Variants in NCALD observed in about 807,000 individuals in gnomAD.
NCALD encodes the protein neurocalcin delta.
A neutral mutation model predicts 18.6 loss-of-function variants in NCALD; 10 were observed. That is an observed-to-expected ratio of 0.54 (90% CI 0.33 to 0.91). NCALD has a LOEUF of 0.91. Ranked by LOEUF, NCALD falls within the 40% of genes least tolerant of loss-of-function variation. The pLI is 0.03. For synonymous variants in NCALD, 88 were observed against 87.4 expected (o/e 1.01, Z -0.04); for missense variants, 184 against 247.6 (o/e 0.74, Z 1.72).
intron 4 of NCALD, among the ~76,000 whole-genome samples, chr8:101,877,785 T>C (rs1816290086): frequency 6.6e-6 from 1 of 152,130 alleles, no homozygotes; most frequent in Admixed American, 6.5e-5. Flanking sequence ...TTGATATATA[T>C]AAAGTACTTA....
chr8:101,741,959 GA>G (rs3028654), intron 1 of NCALD, among the ~76,000 whole-genome samples: 4,446 of 121,706 alleles, frequency 0.037, 174 homozygotes, highest in African/African-American at 0.099. Context: ...AAAAAGAAAA[GA>G]AAAAAAAAAA....
chr8:102,012,956 C>T (rs910254452), intron 2 of NCALD, among the ~76,000 whole-genome samples: 6 of 152,086 alleles, frequency 3.9e-5, no homozygotes, highest in Non-Finnish European at 8.8e-5. Context: ...TAATATATAA[C>T]AATCAGATAT....
intron 4 of NCALD, among the ~76,000 whole-genome samples, chr8:101,872,859 C>A (rs1816077794): frequency 6.6e-6 from 1 of 152,176 alleles, no homozygotes; most frequent in Non-Finnish European, 1.5e-5. Flanking sequence ...TGAAGAATAT[C>A]ATACTTTGGG....
chr8:101,816,419 T>A (rs1012340900), intron 4 of NCALD, among the ~76,000 whole-genome samples: 6 of 152,200 alleles, frequency 3.9e-5, no homozygotes, highest in African/African-American at 1.4e-4. Context: ...GGAAGAATTC[T>A]ATACAAACAG....
chr8:101,787,609 T>G (rs921990859), intron 1 of NCALD, among the ~76,000 whole-genome samples: 26 of 152,172 alleles, frequency 1.7e-4, no homozygotes, highest in East Asian at 1.9e-4. Flanking sequence ...AGAAACATGT[T>G]GAATGAGACA....
At chr8:101,785,035 T>C (rs1392218244) in intron 1 of NCALD, among the ~76,000 whole-genome samples, 3 of 152,188 alleles carry the variant, frequency 2.0e-5, no homozygotes, top group African/African-American at 4.8e-5. Context: ...AAAGGCAATA[T>C]AGTATAGTGA....
At chr8:101,947,056 C>T (rs950117790) in intron 2 of NCALD, among the ~76,000 whole-genome samples, 9 of 152,126 alleles carry the variant, frequency 5.9e-5, no homozygotes, top group African/African-American at 2.2e-4. Context: ...GGATCAAGAT[C>T]TTGAAGCATT....
intron 1 of NCALD, among the ~76,000 whole-genome samples, chr8:101,760,190 G>C (rs529691883): frequency 6.6e-5 from 10 of 152,216 alleles, no homozygotes; most frequent in Non-Finnish European, 1.3e-4. Context: ...AATTTGTCAC[G>C]CCAAGAACAC....
At chr8:101,804,281 C>T (rs1812977705) in intron 4 of NCALD, among the ~76,000 whole-genome samples, 1 of 115,726 alleles carries the variant, frequency 8.6e-6, no homozygotes, top group Non-Finnish European at 1.6e-5. Flanking sequence ...TAAATATATA[C>T]TATTTATAAC....
intron 4 of NCALD, among the ~76,000 whole-genome samples, chr8:101,829,756 G>C (rs182715416): frequency 7.9e-5 from 12 of 152,204 alleles, no homozygotes; most frequent in African/African-American, 2.9e-4. Context: ...ACATTGACAA[G>C]TATGCTTTCA....
chr8:101,930,250 T>G (rs1037647061), intron 2 of NCALD, among the ~76,000 whole-genome samples: 2 of 152,006 alleles, frequency 1.3e-5, no homozygotes, highest in African/African-American at 2.4e-5. Context: ...TGACTGTAAA[T>G]TACATAAATA....
intron 1 of NCALD, among the ~76,000 whole-genome samples, chr8:102,109,583 A>G (rs189643968): frequency 1.3e-5 from 2 of 152,316 alleles, no homozygotes; most frequent in African/African-American, 4.8e-5. Context: ...AACTATGTCA[A>G]ATGGGCAAGT....
At chr8:101,699,319 T>C (rs892354878) in intron 2 of NCALD, among the ~76,000 whole-genome samples, 2 of 152,184 alleles carry the variant, frequency 1.3e-5, no homozygotes, top group African/African-American at 2.4e-5. Flanking sequence ...GGTGGGAACA[T>C]AAATTAGTTC....
At chr8:102,038,212 C>T (rs1007824624) in intron 1 of NCALD, among the ~76,000 whole-genome samples, 1 of 152,148 alleles carries the variant, frequency 6.6e-6, no homozygotes, top group South Asian at 2.1e-4. Context: ...TTGAGATTTA[C>T]ATTGCCCCTA....
Position 102,054,712 on chromosome 8 carries a change from A to ATCC in NCALD, c.-209-34424_-209-34423insGGA, listed in dbSNP as rs1274267682. Among the ~76,000 whole-genome samples, 7 of 114,776 alleles carry ATCC rather than the reference A, an allele frequency of 6.1e-5. No homozygotes were observed. In the East Asian group the frequency reaches 8.9e-4, roughly 15 times the overall value. The allele number at this position is 114,776 out of a possible 152,430, so 75.3% of individuals were successfully genotyped here. ...TAGATAGATAGATAGATAGATAGATAGATAGATATCCTATAGATAGATAGA... is the reference window on the plus strand; with the variant it reads ...TAGATAGATAGATAGATAGATAGATATCCGATAGATATCCTATAGATAGATAGA... On this transcript the variant is annotated intron_variant, in intron 1 of 6. Coordinates refer to the NCALD transcript ENST00000311028.
At chr8:101,723,867 A>G (rs1391061618) in intron 1 of NCALD, among the ~76,000 whole-genome samples, 3 of 152,198 alleles carry the variant, frequency 2.0e-5, no homozygotes, top group Admixed American at 6.5e-5. Flanking sequence ...AAATGTTTCT[A>G]TGAAAGCTAA....
At chr8:101,891,545 G>A (rs1251871825) in intron 3 of NCALD, among the ~76,000 whole-genome samples, 1 of 152,226 alleles carries the variant, frequency 6.6e-6, no homozygotes, top group African/African-American at 2.4e-5. Context: ...CCGGTCTACA[G>A]CTCCCAGCGT....
At chr8:101,730,372 C>T (rs868451482) in intron 1 of NCALD, among the ~76,000 whole-genome samples, 15 of 146,086 alleles carry the variant, frequency 1.0e-4, no homozygotes, top group Middle Eastern at 3.7e-3. Flanking sequence ...CCCAGCTACT[C>T]GGGAGGCTGA....
chr8:101,788,872 T>A (rs572210979), intron 1 of NCALD: 4 of 152,324 alleles, frequency 2.6e-5, no homozygotes, highest in African/African-American at 9.6e-5. Flanking sequence ...ATGACAGTCT[T>A]TTTTTCTCTT....
Sources: allele counts gnomAD v4.1 joint callset (sites outside exome capture counted in the v4.1 genomes callset), GRCh38; gene constraint gnomAD v4.1.1; transcripts MANE v1.5; gene names NCBI Gene and HGNC (gene_info 2026-07-23, HGNC 2026-07-21).